CENPP: variants seen among roughly 807,000 people sequenced by gnomAD.
CENPP encodes the protein centromere protein P.
A neutral mutation model predicts 35.6 loss-of-function variants in CENPP; 24 were observed. The ratio of observed to expected loss-of-function variants is 0.67; its 90% confidence interval spans 0.49 to 0.95. The LOEUF is 0.95. Ranked by LOEUF, CENPP falls within the 40% of genes least tolerant of loss-of-function variation. The pLI is 0.00. For synonymous variants in CENPP, 120 were observed against 125.5 expected, an observed-to-expected ratio of 0.96 and a Z score of 0.29; for missense variants, 332 against 345.3, an observed-to-expected ratio of 0.96 and a Z score of 0.31.
chr9:92,521,474 C>T (rs1440392734), intron 5 of CENPP, among the ~76,000 whole-genome samples: 1 of 152,086 alleles, frequency 6.6e-6, no homozygotes, highest in Non-Finnish European at 1.5e-5. Flanking sequence ...TATATTATTT[C>T]TGTTAAATAC....
At chr9:92,335,761 T>C (rs2130785225) in intron 2 of CENPP, among the ~76,000 whole-genome samples, 1 of 152,364 alleles carries the variant, frequency 6.6e-6, no homozygotes, top group Middle Eastern at 3.4e-3. Flanking sequence ...ACTCTTTCAC[T>C]AATACCATAC....
intron 4 of CENPP, among the ~76,000 whole-genome samples, chr9:92,360,350 T>C (rs566674733): frequency 6.6e-6 from 1 of 152,284 alleles, no homozygotes; most frequent in Non-Finnish European, 1.5e-5. Context: ...ATGTATGTGC[T>C]GAAAAACTCC....
At chr9:92,612,930 G>A (rs975314273) in intron 7 of CENPP, 89 bp from the exon 8 acceptor site, 1 of 1,482,590 alleles carries the variant, frequency 6.7e-7, no homozygotes, top group African/African-American at 1.4e-5. Context: ...AGGAGTGCGG[G>A]GTCTTGGTGA....
rs558066117 is a variant in CENPP, at chr9:92,338,921, G to A, written c.378+1292G>A. Among the ~76,000 whole-genome samples the A allele has an allele frequency of 5.9e-5, 9 of 152,304 alleles. No homozygotes were observed. In the East Asian group the frequency reaches 7.7e-4, roughly 13 times the overall value. On this transcript the variant is annotated intron_variant, in intron 3 of 7. Coordinates refer to ENST00000375587, the MANE Select transcript of CENPP (RefSeq NM_001012267.3). ...ACATAATATCAGGAAGCAGGAAAGC[G>A]AAAGCAGACAGAATGATAACAAGTA...
chr9:92,466,533 G>A, intron 5 of CENPP: 1 of 1,614,050 alleles, frequency 6.2e-7, no homozygotes, highest in South Asian at 1.1e-5. Context: ...AGGCTTTTGG[G>A]TGAATCTTCG....
intron 5 of CENPP, chr9:92,514,857 C>A: frequency 6.2e-7 from 1 of 1,612,394 alleles, no homozygotes; most frequent in South Asian, 1.1e-5. Flanking sequence ...CACCCTCCTC[C>A]TCCTCATCCT....
At chr9:92,515,039 C>T (rs1204610897) in intron 5 of CENPP, 1 of 1,614,056 alleles carries the variant, frequency 6.2e-7, no homozygotes, top group Non-Finnish European at 8.5e-7. Context: ...ACTTCTTCAT[C>T]CTCCTCAGAT....
chr9:92,513,144 T>C (rs185810833), intron 5 of CENPP, among the ~76,000 whole-genome samples: 1 of 152,256 alleles, frequency 6.6e-6, no homozygotes, highest in East Asian at 1.9e-4. Context: ...CTCCTGCTGC[T>C]CCCAGCACCC....
At chr9:92,442,398 CAAA>C (rs71362387) in intron 5 of CENPP, among the ~76,000 whole-genome samples, 5 of 74,482 alleles carry the variant, frequency 6.7e-5, no homozygotes, top group Non-Finnish European at 1.1e-4. Context: ...AACTCTGTCT[CAAA>C]AAAAAAAAAA....
intron 5 of CENPP, among the ~76,000 whole-genome samples, chr9:92,481,812 G>C (rs563254924): frequency 2.0e-5 from 3 of 152,038 alleles, no homozygotes; most frequent in African/African-American, 7.2e-5. Context: ...ATATTCAAAT[G>C]TATAAGTAAA....
chr9:92,562,205 T>C (rs1849864039), intron 5 of CENPP, among the ~76,000 whole-genome samples: 1 of 142,854 alleles, frequency 7.0e-6, no homozygotes, highest in African/African-American at 2.7e-5. Context: ...TTTTTTTCTT[T>C]TCTTTTTTTT....
chr9:92,446,603 A>AT (rs964400013), intron 5 of CENPP, among the ~76,000 whole-genome samples: 7 of 151,988 alleles, frequency 4.6e-5, no homozygotes, highest in African/African-American at 1.7e-4. Flanking sequence ...GTGTGAATAA[A>AT]TTTTTTTTCT....
At chr9:92,343,157 A>G (rs1315788733) in intron 3 of CENPP, among the ~76,000 whole-genome samples, 1 of 152,244 alleles carries the variant, frequency 6.6e-6, no homozygotes, top group African/African-American at 2.4e-5. Context: ...TGAACTAAAC[A>G]TGACCTCAAA....
In CENPP at chr9:92,615,793, A is replaced by C. The variant is rs1385913778; in HGVS notation, c.*2644A>C. The C allele has an allele frequency of 3.1e-5, 45 of 1,467,248 alleles. No homozygotes were observed. Among genetic ancestry groups the C allele is most frequent in the Non-Finnish European group, 4.2e-5 (44 of 1,047,940 alleles). The allele number at this position is 1,467,248 out of a possible 1,614,324, so 90.9% of individuals were successfully genotyped here. A position where few individuals can be genotyped will look rare whatever the true frequency, so the allele number is the denominator to read the frequency against. On this transcript the variant is annotated 3_prime_UTR_variant, in exon 8 of 8. Coordinates refer to ENST00000375587, the MANE Select transcript of CENPP (RefSeq NM_001012267.3). ...AAAATATCTCTATCATTCAGCCTTC[A>C]CATTATGTTCAAGTTTCAAAGACAC...
intron 5 of CENPP, among the ~76,000 whole-genome samples, chr9:92,599,573 C>T (rs1850859558): frequency 1.3e-5 from 2 of 152,120 alleles, no homozygotes; most frequent in South Asian, 2.1e-4. Context: ...CCCACCACCA[C>T]GCCTGGCTAA....
chr9:92,548,732 A>C (rs2131322525), intron 5 of CENPP, among the ~76,000 whole-genome samples: 1 of 152,350 alleles, frequency 6.6e-6, no homozygotes, highest in Admixed American at 6.5e-5. Flanking sequence ...GAGAAGTTAA[A>C]GCTTATGGGT....
At chr9:92,385,523 A>T in intron 5 of CENPP, 1 of 1,001,822 alleles carries the variant, frequency 1.0e-6, no homozygotes, top group Non-Finnish European at 1.5e-6. Context: ...ATGAGATACA[A>T]GGTTAATATT....
At chr9:92,463,725 G>C (rs1485571811) in intron 5 of CENPP, among the ~76,000 whole-genome samples, 2 of 152,004 alleles carry the variant, frequency 1.3e-5, no homozygotes, top group Non-Finnish European at 2.9e-5. Flanking sequence ...TGCATTTTTT[G>C]TTGTTTTTCT....
At chr9:92,526,996 T>C (rs985488815) in intron 5 of CENPP, among the ~76,000 whole-genome samples, 10 of 152,052 alleles carry the variant, frequency 6.6e-5, no homozygotes, top group Non-Finnish European at 4.4e-5. Flanking sequence ...TATGTGTAGA[T>C]ATGTTTATTA....
Sources: gnomAD v4.1 joint callset for allele counts (sites outside exome capture counted in the v4.1 genomes callset) on GRCh38, gnomAD v4.1.1 for gene constraint, MANE v1.5 for transcripts, NCBI Gene and HGNC (gene_info 2026-07-23, HGNC 2026-07-21) for gene names.